Variants in PREX1 observed in about 807,000 individuals in gnomAD.
The protein encoded by PREX1 is phosphatidylinositol 3,4,5-trisphosphate-dependent Rac exchanger 1 protein.
A neutral mutation model predicts 198.3 loss-of-function variants in PREX1; 41 were observed. The observed-to-expected ratio is 0.21, with a 90% CI of 0.16 to 0.27. PREX1 has a LOEUF of 0.27. Ranked by LOEUF, PREX1 falls within the 10% of genes least tolerant of loss-of-function variation. The probability of loss-of-function intolerance (pLI) is 1.00; values close to 1 mark genes in which losing one functional copy is unlikely to be tolerated. For missense variants in PREX1, 1,620 were observed against 2,200.7 expected (o/e 0.74, Z 5.28); for synonymous variants, 843 against 887.2 (o/e 0.95, Z 0.89).
At chr20:48,740,366 T>A (rs2090075539) in intron 3 of PREX1, among the ~76,000 whole-genome samples, 1 of 152,162 alleles carries the variant, frequency 6.6e-6, no homozygotes. Flanking sequence ...TAAGGCCCTC[T>A]CCTAGAGCTG....
At position 48,634,554 on chromosome 20, in the gene PREX1, G is replaced by A. The variant is rs982647816; in HGVS notation, c.4267+122C>T. On this transcript the variant is annotated intron_variant, in intron 33 of 39. Coordinates refer to ENST00000371941, the MANE Select transcript of PREX1 (RefSeq NM_020820.4). ...GAGGCATGAGGTTTGACAGCACTGA[G>A]TACTGAGCCCACCTTGGGCAGCTGG... 1.1e-5 allele frequency: 10 copies of A among 911,820 alleles called. No homozygotes were observed. The Admixed American group carries it at 2.1e-4, about 19-fold the overall frequency. The allele number at this position is 911,820 out of a possible 1,614,324, so 56.5% of individuals were successfully genotyped here. A position where few individuals can be genotyped will look rare whatever the true frequency, so the allele number is the denominator to read the frequency against.
At chr20:48,730,238 A>AC (rs11480108) in intron 4 of PREX1, among the ~76,000 whole-genome samples, 49,346 of 151,888 alleles carry the variant, frequency 0.32, 8,325 homozygotes, top group Middle Eastern at 0.43. Flanking sequence ...CCAGATACTA[A>AC]AGGGGGGCCT....
chr20:48,708,382 G>C lies in PREX1; in HGVS notation c.661C>G (p.Pro221Ala), dbSNP rs1451636655. Reference sequence around the variant, plus strand: ...GCCTGCAGGGCACTCTGGACCGCGGGGTGGTCTGGGTGCTTGCCGGGAGTC... The same window carrying C: ...GCCTGCAGGGCACTCTGGACCGCGGCGTGGTCTGGGTGCTTGCCGGGAGTC... ...KRTPGKHPDHPAVQSALQAMK... is the reference protein window; with the variant it reads ...KRTPGKHPDHAAVQSALQAMK... The change falls in exon 6 of 40, where the codon CCC becomes GCC. Residue 221 changes from proline (P) to alanine (A), a missense_variant. Physicochemically the swap from Pro to Ala is conservative, Grantham distance 27. Coordinates refer to ENST00000371941, the MANE Select transcript of PREX1 (RefSeq NM_020820.4). The C allele has an allele frequency of 6.2e-7, 1 of 1,614,150 alleles. No individual in the cohort carries two copies.
chr20:48,664,135 G>A (rs573636023), intron 15 of PREX1, among the ~76,000 whole-genome samples: 1 of 152,242 alleles, frequency 6.6e-6, no homozygotes. Flanking sequence ...AGCACTTTGG[G>A]AAGCCAAGGC....
chr20:48,745,350 G>A (rs945189487), intron 2 of PREX1, among the ~76,000 whole-genome samples: 1 of 152,220 alleles, frequency 6.6e-6, no homozygotes, highest in South Asian at 2.1e-4. Context: ...CGGAATTAGT[G>A]ACTAATCGTG....
intron 14 of PREX1, among the ~76,000 whole-genome samples, chr20:48,670,678 T>C (rs1453769658): frequency 6.6e-6 from 1 of 152,214 alleles, no homozygotes; most frequent in Non-Finnish European, 1.5e-5. Context: ...TCCTCATCCA[T>C]ATTTTTATTT....
upstream of PREX1, among the ~76,000 whole-genome samples, chr20:48,828,092 GC>G (rs944793200): frequency 2.0e-5 from 3 of 147,922 alleles, no homozygotes; most frequent in Non-Finnish European, 3.0e-5. Flanking sequence ...CAGACGGCTG[GC>G]CCCCCGCCCC....
At chr20:48,867,184 A>G in the PREX1 span, among the ~76,000 whole-genome samples, 1 of 152,216 alleles carries the variant, frequency 6.6e-6, no homozygotes, top group African/African-American at 2.4e-5. Context: ...GAACAGAGGA[A>G]TTGTTCAAGG....
chr20:48,755,615 A>G (rs1336839512), intron 1 of PREX1, among the ~76,000 whole-genome samples: 2 of 152,232 alleles, frequency 1.3e-5, no homozygotes, highest in Non-Finnish European at 2.9e-5. Context: ...ACCATGAGGT[A>G]GAAGCCACGT....
rs1418743700 is a variant in PREX1 at position 48,657,157 on chromosome 20, T to C, written c.2006A>G (p.Tyr669Cys). The C allele has an allele frequency of 1.1e-5, 18 of 1,613,326 alleles. No individual in the cohort carries two copies. Among genetic ancestry groups the C allele is most frequent in the African/African-American group, 2.7e-5 (2 of 74,858 alleles). Residue 669 changes from tyrosine (Y) to cysteine (C), a missense_variant, in exon 18 of 40, where the codon TAC (tyrosine) becomes TGC (cysteine). Coordinates refer to ENST00000371941, the MANE Select transcript of PREX1 (RefSeq NM_020820.4). ...VAGLQVGRKI[Y>C]SINEDLVFLR... ...GAACACCAGGTCCTCATTGATGGAG[T>C]AGATCTTCCTCCCCACCTGCAGGCC...
chr20:48,858,245 C>A, the PREX1 span, among the ~76,000 whole-genome samples: 1 of 152,340 alleles, frequency 6.6e-6, no homozygotes, highest in African/African-American at 2.4e-5. Flanking sequence ...TCTGTCAACC[C>A]TGGAACTTCC....
At chr20:48,733,999 C>T (rs960076057) in intron 4 of PREX1, among the ~76,000 whole-genome samples, 5 of 152,170 alleles carry the variant, frequency 3.3e-5, no homozygotes, top group African/African-American at 7.2e-5. Context: ...GTGATCCACC[C>T]GCCTCGGCCT....
At chr20:48,742,909 G>A (rs1436206278) in intron 3 of PREX1, among the ~76,000 whole-genome samples, 1 of 152,150 alleles carries the variant, frequency 6.6e-6, no homozygotes, top group Non-Finnish European at 1.5e-5. Flanking sequence ...GGGGGGCCAG[G>A]GCTTTTGGCA....
intron 2 of PREX1, 124 bp downstream of exon 2, chr20:48,747,685 C>A (rs966627456): frequency 9.2e-7 from 1 of 1,088,322 alleles, no homozygotes. Context: ...GCAAAGCTGG[C>A]GGCCAGCAGC....
At chr20:48,646,766 C>T (rs975628984) in intron 25 of PREX1, among the ~76,000 whole-genome samples, 1 of 152,104 alleles carries the variant, frequency 6.6e-6, no homozygotes, top group African/African-American at 2.4e-5. Flanking sequence ...TCAATCCCCA[C>T]TGTAGGGTGT....
intron 4 of PREX1, among the ~76,000 whole-genome samples, chr20:48,728,329 C>T (rs1017227771): frequency 5.9e-5 from 9 of 152,208 alleles, no homozygotes; most frequent in South Asian, 2.1e-4. Flanking sequence ...AAGTTCATGC[C>T]GAAAGCCTAA....
At chr20:48,862,274 T>C in the PREX1 span, among the ~76,000 whole-genome samples, 3 of 152,092 alleles carry the variant, frequency 2.0e-5, no homozygotes, top group Admixed American at 6.6e-5. Context: ...AAAACGATTC[T>C]TCATGACAAC....
chr20:48,659,824 GC>G, intron 16 of PREX1, 94 bp downstream of exon 16: 1 of 1,546,288 alleles, frequency 6.5e-7, no homozygotes, highest in Non-Finnish European at 8.8e-7. Flanking sequence ...TCCAAGCTGA[GC>G]CCCCTTCCCT....
At chr20:48,760,997 G>A (rs909871476) in intron 1 of PREX1, among the ~76,000 whole-genome samples, 1 of 152,196 alleles carries the variant, frequency 6.6e-6, no homozygotes, top group Admixed American at 6.5e-5. Context: ...AAAATGGCAG[G>A]TAGGAATGAT....
Sources: gnomAD v4.1 joint callset for allele counts (sites outside exome capture counted in the v4.1 genomes callset) on GRCh38, gnomAD v4.1.1 for gene constraint, MANE v1.5 for transcripts, NCBI Gene and HGNC (gene_info 2026-07-23, HGNC 2026-07-21) for gene names.